Variants in SPG11 observed in about 807,000 individuals in gnomAD.
SPG11 encodes SPG11 vesicle trafficking associated, spatacsin, also known as spatacsin.
A neutral mutation model predicts 274.0 loss-of-function variants in SPG11; 222 were observed. That is an observed-to-expected ratio of 0.81 (90% CI 0.73 to 0.91). The LOEUF (loss-of-function observed/expected upper bound fraction) is 0.91, where lower values mean the gene tolerates loss of function less well. Ranked by LOEUF, SPG11 falls within the 40% of genes least tolerant of loss-of-function variation. The pLI is 0.00. For missense variants in SPG11, 3,114 were observed against 2,872.7 expected (o/e 1.08, Z -1.92); for synonymous variants, 1,144 against 1,039.7 (o/e 1.10, Z -1.93).
chr15:44,628,612 T>C (rs886198748), intron 10 of SPG11, 57 bp downstream of exon 10: 1 of 1,475,922 alleles, frequency 6.8e-7, no homozygotes, highest in African/African-American at 1.4e-5. Context: ...CTTTCTATTG[T>C]TTTCTCAGAC....
In SPG11 at chr15:44,654,070, C is replaced by T. The variant is rs138772558; in HGVS notation, c.870-1804G>A. Among the ~76,000 whole-genome samples the T allele has an allele frequency of 6.3e-3, 955 of 152,302 alleles. 10 individuals carry two copies. Among genetic ancestry groups the T allele is most frequent in the African/African-American group, 0.021 (882 of 41,558 alleles). ...CTGGACTCAAGCAATCCTCCTGCCT[C>T]AGCCTCCGGAGTAGCTGAGACCACA... On this transcript the variant is annotated intron_variant, in intron 4 of 39. Transcript: ENST00000261866.
intron 1 of SPG11, 149 bp from the exon 2 acceptor site, chr15:44,660,765 C>T (rs1250898542): frequency 1.3e-6 from 1 of 749,048 alleles, no homozygotes; most frequent in Non-Finnish European, 2.2e-6. Flanking sequence ...ACATAAACTG[C>T]TCTAGGACCT....
At chr15:44,571,722 C>T (rs2082429954) in intron 33 of SPG11, among the ~76,000 whole-genome samples, 1 of 152,012 alleles carries the variant, frequency 6.6e-6, no homozygotes, top group Non-Finnish European at 1.5e-5. Flanking sequence ...TGATCTCGAT[C>T]TCCTGACCTC....
intron 11 of SPG11, 141 bp from the exon 12 acceptor site, chr15:44,622,940 C>A: frequency 1.3e-6 from 1 of 741,358 alleles, no homozygotes; most frequent in Non-Finnish European, 2.4e-6. Flanking sequence ...CTTTCAAACA[C>A]TCATTTCCCT....
At chr15:44,569,164 C>CAAA (rs1188132986) in intron 35 of SPG11, among the ~76,000 whole-genome samples, 1 of 71,098 alleles carries the variant, frequency 1.4e-5, no homozygotes, top group Admixed American at 1.7e-4. Context: ...AACTCCGTCT[C>CAAA]AAAAAAAAAA....
At position 44,572,847 on chromosome 15, in the gene SPG11, G is replaced by A. The variant is rs373835147; in HGVS notation, c.6206-27C>T. Reference sequence around the variant, plus strand: ...TGTACAGAGAGGTGTGAAGACAGGTGCTGGTTTTATCTAAGAGAGGCCCAC... The same window carrying A: ...TGTACAGAGAGGTGTGAAGACAGGTACTGGTTTTATCTAAGAGAGGCCCAC... On this transcript the variant is annotated intron_variant, in intron 32 of 39. Transcript: ENST00000261866. 145 of 1,613,594 alleles carry A rather than the reference G, an allele frequency of 9.0e-5. 1 individual carries two copies. Among genetic ancestry groups the A allele is most frequent in the Admixed American group, 1.2e-4 (7 of 59,960 alleles).
chr15:44,565,992 C>T lies in SPG11; in HGVS notation c.6861G>A (p.Gln2287=). The change falls in exon 38 of 40, where the codon CAG becomes CAA. Residue 2287 remains glutamine, a synonymous_variant. Coordinates refer to ENST00000261866, the MANE Select transcript of SPG11 (RefSeq NM_025137.4). ...ESYAKDSCVR[Q]AQHCQRLTKL... Reference sequence around the variant, plus strand: ...TGGTGAGCCGCTGACAGTGCTGGGCCTGTCGCACACAGGAGTCCTGAGGAA... The same window carrying T: ...TGGTGAGCCGCTGACAGTGCTGGGCTTGTCGCACACAGGAGTCCTGAGGAA... The T allele has an allele frequency of 6.2e-7, 1 of 1,613,806 alleles. No individual in the cohort carries two copies. Among genetic ancestry groups the T allele is most frequent in the Non-Finnish European group, 8.5e-7 (1 of 1,180,024 alleles).
At chr15:44,573,518 A>C (rs748399617) in intron 32 of SPG11, 29 bp downstream of exon 32, 6 of 1,611,960 alleles carry the variant, frequency 3.7e-6, no homozygotes, top group Non-Finnish European at 5.1e-6. Flanking sequence ...GCTGTCAGAG[A>C]GGTTGGGAAT....
At chr15:44,621,733 C>T (rs2083756920) in intron 14 of SPG11, 26 bp downstream of exon 14, 9 of 1,606,114 alleles carry the variant, frequency 5.6e-6, no homozygotes, top group Non-Finnish European at 6.8e-6. Context: ...TCAGTATGTT[C>T]ATATTTCAGG....
In SPG11 at chr15:44,597,289, T is replaced by G. The variant is rs2140974902; in HGVS notation, c.4002-346A>C. The G allele has an allele frequency of 1.1e-5, 3 of 273,566 alleles. No individual in the cohort carries two copies. The South Asian group carries it at 1.1e-4, about 10-fold the overall frequency. The allele number at this position is 273,566 out of a possible 1,614,324, so 16.9% of individuals were successfully genotyped here. On this transcript the variant is annotated intron_variant, in intron 23 of 39. Coordinates refer to ENST00000261866, the MANE Select transcript of SPG11 (RefSeq NM_025137.4). ...CACCACACCCGGCTAATTTTGTATT[T>G]TTACTAAAGACGGGGTTTCTCCATG...
intron 19 of SPG11, among the ~76,000 whole-genome samples, chr15:44,606,449 C>G (rs1161627054): frequency 2.0e-5 from 3 of 151,910 alleles, no homozygotes; most frequent in Non-Finnish European, 4.4e-5. Context: ...GAAAACGTTA[C>G]CAGGTAAACA....
intron 7 of SPG11, among the ~76,000 whole-genome samples, chr15:44,644,436 A>T (rs1044139474): frequency 6.6e-6 from 1 of 152,172 alleles, no homozygotes; most frequent in Non-Finnish European, 1.5e-5. Flanking sequence ...AAATATCAAG[A>T]GCCATTTATG....
intron 36 of SPG11, among the ~76,000 whole-genome samples, chr15:44,566,869 T>C (rs1392284602): frequency 1.3e-5 from 2 of 152,052 alleles, no homozygotes; most frequent in South Asian, 2.1e-4. Context: ...CTGGCTATTT[T>C]TTTTTTGTAT....
chr15:44,636,720 G>A (rs1268406324), intron 7 of SPG11, among the ~76,000 whole-genome samples: 2 of 151,556 alleles, frequency 1.3e-5, no homozygotes, highest in Non-Finnish European at 2.9e-5. Flanking sequence ...GAGGTTAGGA[G>A]TTTGAGACCA....
In SPG11 at chr15:44,615,562, C is replaced by T. The variant is rs1357583449; in HGVS notation, c.2839G>A (p.Gly947Arg). The change falls in exon 16 of 40, where the codon GGG (glycine) becomes AGG (arginine). Residue 947 changes from glycine to arginine, a missense_variant. Coordinates refer to ENST00000261866, the MANE Select transcript of SPG11 (RefSeq NM_025137.4). ...NEILDKLARNGVFLASELEDF... is the reference protein window; with the variant it reads ...NEILDKLARNRVFLASELEDF... ...TCCAGTTCAGATGCCAAAAAAACCC[C>T]ATTCCTATGGACAGATTTATAGGAT... 2 of 1,613,910 alleles carry T rather than the reference C, an allele frequency of 1.2e-6. No individual in the cohort carries two copies. The highest frequency in any genetic ancestry group is 2.2e-5 in the East Asian group (1 of 44,860).
At chr15:44,648,233 G>C (rs1268249420) in intron 7 of SPG11, among the ~76,000 whole-genome samples, 1 of 152,116 alleles carries the variant, frequency 6.6e-6, no homozygotes, top group African/African-American at 2.4e-5. Flanking sequence ...TAGGAAGCAG[G>C]CTGGGTGCAG....
chr15:44,646,788 C>T (rs993226308), intron 7 of SPG11, among the ~76,000 whole-genome samples: 7 of 151,946 alleles, frequency 4.6e-5, no homozygotes, highest in African/African-American at 1.7e-4. Context: ...TACACATGAA[C>T]AAAAAGAAGA....
chr15:44,624,497 A>C (rs990305856), intron 11 of SPG11, among the ~76,000 whole-genome samples: 3 of 152,190 alleles, frequency 2.0e-5, no homozygotes, highest in Admixed American at 6.5e-5. Context: ...AGTAATAGAG[A>C]GTGGAATGAT....
chr15:44,597,764 C>T (rs370397790), intron 23 of SPG11, among the ~76,000 whole-genome samples: 3 of 152,146 alleles, frequency 2.0e-5, no homozygotes, highest in African/African-American at 7.2e-5. Context: ...AGTGGGGCAG[C>T]ATAAAGAAGG....
Sources: allele counts gnomAD v4.1 joint callset (sites outside exome capture counted in the v4.1 genomes callset), GRCh38; gene constraint gnomAD v4.1.1; transcripts MANE v1.5; gene names NCBI Gene and HGNC (gene_info 2026-07-23, HGNC 2026-07-21).